IMMP2L: variants seen among roughly 807,000 people sequenced by gnomAD.
IMMP2L encodes the protein mitochondrial inner membrane protease subunit 2.
In IMMP2L, 18 loss-of-function variants were observed where a neutral mutation model predicts 19.3. The ratio of observed to expected loss-of-function variants is 0.93; its 90% confidence interval spans 0.64 to 1.38. IMMP2L has a LOEUF of 1.38. Ranked by LOEUF, IMMP2L falls within the 40% of genes most tolerant of loss-of-function variation. IMMP2L has a pLI of 0.00. For synonymous variants in IMMP2L, 76 were observed against 73.0 expected (o/e 1.04, Z -0.21); for missense variants, 233 against 218.2 (o/e 1.07, Z -0.43).
chr7:111,515,124 T>C (rs1845772700), intron 2 of IMMP2L, among the ~76,000 whole-genome samples: 1 of 152,114 alleles, frequency 6.6e-6, no homozygotes, highest in Non-Finnish European at 1.5e-5. Flanking sequence ...TGGGATATAA[T>C]GTTCATCAAA....
At chr7:110,771,993 C>G (rs781071025) in intron 5 of IMMP2L, among the ~76,000 whole-genome samples, 1 of 152,114 alleles carries the variant, frequency 6.6e-6, no homozygotes, top group Non-Finnish European at 1.5e-5. Context: ...CTTTTGATAT[C>G]GCATCCTGGG....
chr7:111,398,911 C>T (rs1326968851), intron 3 of IMMP2L, among the ~76,000 whole-genome samples: 1 of 149,448 alleles, frequency 6.7e-6, no homozygotes. Flanking sequence ...CTTAGGAATA[C>T]AGCTAAACAA....
intron 3 of IMMP2L, among the ~76,000 whole-genome samples, chr7:111,010,980 G>A (rs1292297560): frequency 1.3e-5 from 2 of 151,824 alleles, no homozygotes; most frequent in Non-Finnish European, 1.5e-5. Context: ...GGTGTTGAAA[G>A]TGTCCCCAGC....
intron 3 of IMMP2L, among the ~76,000 whole-genome samples, chr7:111,284,411 G>T (rs981381901): frequency 6.6e-6 from 1 of 152,000 alleles, no homozygotes; most frequent in East Asian, 1.9e-4. Context: ...TTAGACAAAC[G>T]AAGCCAGCAT....
chr7:111,129,680 G>C (rs893040484), intron 3 of IMMP2L, among the ~76,000 whole-genome samples: 1 of 152,074 alleles, frequency 6.6e-6, no homozygotes, highest in Non-Finnish European at 1.5e-5. Flanking sequence ...TTTGGGAAAA[G>C]ACAGAACTGA....
chr7:111,070,727 C>G (rs1388793620), intron 3 of IMMP2L, among the ~76,000 whole-genome samples: 6 of 152,156 alleles, frequency 3.9e-5, no homozygotes, highest in Non-Finnish European at 8.8e-5. Flanking sequence ...ATATGTAAGG[C>G]ACCTTGGACA....
intron 3 of IMMP2L, among the ~76,000 whole-genome samples, chr7:111,171,726 C>G (rs1437416494): frequency 6.6e-6 from 1 of 151,370 alleles, no homozygotes; most frequent in East Asian, 1.9e-4. Context: ...GAGGGTGCTC[C>G]TTAGACAAGA....
At chr7:111,056,776 T>C (rs1003864585) in intron 3 of IMMP2L, among the ~76,000 whole-genome samples, 1 of 152,172 alleles carries the variant, frequency 6.6e-6, no homozygotes, top group Non-Finnish European at 1.5e-5. Flanking sequence ...AGAAAATATA[T>C]TTACTATCCA....
At chr7:111,482,418 A>G (rs1558078) in intron 3 of IMMP2L, among the ~76,000 whole-genome samples, 23,499 of 152,080 alleles carry the variant, frequency 0.15, 3,134 homozygotes, top group African/African-American at 0.36. Flanking sequence ...CACTGGCTCA[A>G]TACAGTGAAA....
chr7:111,160,032 T>C (rs1805079664), intron 3 of IMMP2L, among the ~76,000 whole-genome samples: 2 of 152,076 alleles, frequency 1.3e-5, no homozygotes, highest in Non-Finnish European at 2.9e-5. Flanking sequence ...ATCATATGAT[T>C]CTTAAGGGTA....
intron 4 of IMMP2L, among the ~76,000 whole-genome samples, chr7:110,928,493 AAAC>A (rs1815115275): frequency 9.4e-6 from 1 of 106,258 alleles, no homozygotes. Flanking sequence ...AAAAAAAGGA[AAAC>A]GATGATTTTT....
chr7:111,212,822 G>A (rs1940407796), intron 3 of IMMP2L, among the ~76,000 whole-genome samples: 3 of 152,172 alleles, frequency 2.0e-5, no homozygotes, highest in East Asian at 1.9e-4. Context: ...ATTCCATGGG[G>A]CTTCTGCTAT....
At chr7:111,241,799 T>C (rs914084306) in intron 3 of IMMP2L, among the ~76,000 whole-genome samples, 1 of 151,816 alleles carries the variant, frequency 6.6e-6, no homozygotes, top group African/African-American at 2.4e-5. Flanking sequence ...CTCTGGATGA[T>C]TTATAGAACT....
chr7:110,910,931 A>G (rs1812996015), intron 4 of IMMP2L, among the ~76,000 whole-genome samples: 1 of 152,132 alleles, frequency 6.6e-6, no homozygotes, highest in Non-Finnish European at 1.5e-5. Flanking sequence ...CCTGTATGTT[A>G]ATGTTATTGT....
At chr7:111,108,894 A>G (rs779194242) in intron 3 of IMMP2L, among the ~76,000 whole-genome samples, 3 of 152,322 alleles carry the variant, frequency 2.0e-5, no homozygotes, top group Non-Finnish European at 4.4e-5. Context: ...CATTCAGTAG[A>G]TATTTATTGA....
At chr7:111,002,256 C>A (rs914463097) in intron 3 of IMMP2L, among the ~76,000 whole-genome samples, 1 of 152,014 alleles carries the variant, frequency 6.6e-6, no homozygotes, top group African/African-American at 2.4e-5. Flanking sequence ...GCCTCTCCAG[C>A]CCAGAGGGAT....
chr7:111,392,908 TG>T (rs371247769), intron 3 of IMMP2L: 31 of 450,450 alleles, frequency 6.9e-5, no homozygotes, highest in African/African-American at 5.4e-4. Flanking sequence ...CCCATGGAGC[TG>T]GGGGGTCCCA....
chr7:111,318,347 C>T (rs1824329217), intron 3 of IMMP2L, among the ~76,000 whole-genome samples: 1 of 152,052 alleles, frequency 6.6e-6, no homozygotes, highest in Non-Finnish European at 1.5e-5. Flanking sequence ...GGGTTGAGCA[C>T]ACAAACAATT....
chr7:111,421,487 T>C (rs1835545052), intron 3 of IMMP2L, among the ~76,000 whole-genome samples: 1 of 150,804 alleles, frequency 6.6e-6, no homozygotes, highest in Non-Finnish European at 1.5e-5. Context: ...TTAGCCAGGA[T>C]GGTCTCGATC....
Sources: gnomAD v4.1 joint callset for allele counts (sites outside exome capture counted in the v4.1 genomes callset) on GRCh38, gnomAD v4.1.1 for gene constraint, MANE v1.5 for transcripts, NCBI Gene and HGNC (gene_info 2026-07-23, HGNC 2026-07-21) for gene names.